RABGAP1L: variants seen among roughly 807,000 people sequenced by gnomAD.
The protein encoded by RABGAP1L is rab GTPase-activating protein 1-like.
A neutral mutation model predicts 137.7 loss-of-function variants in RABGAP1L; 63 were observed. The observed-to-expected ratio is 0.46, with a 90% confidence interval of 0.37 to 0.56. The LOEUF (loss-of-function observed/expected upper bound fraction) is 0.56, where lower values mean the gene tolerates loss of function less well. Among genes scored for constraint, RABGAP1L ranks in the 20% least tolerant of loss-of-function variants. The pLI is 0.00. For synonymous variants in RABGAP1L, 431 were observed against 433.7 expected (o/e 0.99, Z 0.08); for missense variants, 1,095 against 1,244.0 (o/e 0.88, Z 1.80).
At chr1:174,803,298 T>C (rs1413392164) in intron 18 of RABGAP1L, among the ~76,000 whole-genome samples, 1 of 152,228 alleles carries the variant, frequency 6.6e-6, no homozygotes, top group Non-Finnish European at 1.5e-5. Flanking sequence ...GTACACCCAG[T>C]TAAGGACAAT....
At chr1:174,279,434 T>C (rs1675300026) in intron 10 of RABGAP1L, among the ~76,000 whole-genome samples, 1 of 152,256 alleles carries the variant, frequency 6.6e-6, no homozygotes, top group East Asian at 1.9e-4. Flanking sequence ...ATGAACATCT[T>C]TTATATGCTG....
chr1:174,417,829 C>T (rs576043805), intron 13 of RABGAP1L, among the ~76,000 whole-genome samples: 2 of 152,046 alleles, frequency 1.3e-5, no homozygotes, highest in Non-Finnish European at 2.9e-5. Flanking sequence ...GCTGAGTTAC[C>T]CAGCCCAAGT....
intron 25 of RABGAP1L, 93 bp from the exon 26 acceptor site, chr1:174,989,756 A>G: frequency 7.2e-7 from 1 of 1,381,086 alleles, no homozygotes; most frequent in East Asian, 2.5e-5. Flanking sequence ...GGCAGCACAT[A>G]CCTTGAGACT....
At chr1:174,376,186 GTGAA>G (rs906175844) in intron 12 of RABGAP1L, among the ~76,000 whole-genome samples, 1 of 147,402 alleles carries the variant, frequency 6.8e-6, no homozygotes, top group African/African-American at 2.5e-5. Flanking sequence ...AGGAAAGAAA[GTGAA>G]GGAAAGAAAG....
intron 19 of RABGAP1L, among the ~76,000 whole-genome samples, chr1:174,845,231 T>C (rs1224784146): frequency 1.1e-5 from 1 of 93,200 alleles, no homozygotes; most frequent in East Asian, 9.0e-4. Context: ...TTCTCCTGCC[T>C]GATTGCCCTG....
At chr1:174,590,323 ATTG>A (rs1339687485) in intron 13 of RABGAP1L, among the ~76,000 whole-genome samples, 1 of 138,240 alleles carries the variant, frequency 7.2e-6, no homozygotes, top group Non-Finnish European at 1.6e-5. Context: ...TAGATGCTGT[ATTG>A]TTTTTTTTTC....
At chr1:174,480,240 A>T (rs909975341) in intron 13 of RABGAP1L, among the ~76,000 whole-genome samples, 3 of 152,222 alleles carry the variant, frequency 2.0e-5, no homozygotes, top group African/African-American at 7.2e-5. Context: ...GGTTATAGTT[A>T]TTAGATAATC....
chr1:174,675,270 G>A (rs1249317569), intron 14 of RABGAP1L, among the ~76,000 whole-genome samples: 2 of 151,222 alleles, frequency 1.3e-5, no homozygotes, highest in Non-Finnish European at 3.0e-5. Context: ...TTTGTATAAG[G>A]TGTAAGGAAG....
intron 13 of RABGAP1L, among the ~76,000 whole-genome samples, chr1:174,548,909 G>T (rs1483007283): frequency 6.6e-6 from 1 of 152,144 alleles, no homozygotes; most frequent in Non-Finnish European, 1.5e-5. Flanking sequence ...GTGATCTAAA[G>T]TTTTTAATGA....
chr1:174,322,974 A>AT (rs929089494), intron 11 of RABGAP1L, among the ~76,000 whole-genome samples: 29 of 152,104 alleles, frequency 1.9e-4, no homozygotes, highest in Non-Finnish European at 3.8e-4. Context: ...CAAAAATGCC[A>AT]TTTTTTTTAG....
At chr1:174,773,442 A>C (rs560482225) in intron 18 of RABGAP1L, among the ~76,000 whole-genome samples, 12 of 152,322 alleles carry the variant, frequency 7.9e-5, no homozygotes, top group African/African-American at 2.6e-4. Context: ...ATACAGCAGG[A>C]GACCCTTAAA....
intron 10 of RABGAP1L, among the ~76,000 whole-genome samples, chr1:174,292,329 C>CT (rs61636433): frequency 0.02 from 1,017 of 50,638 alleles, 40 homozygotes; most frequent in Admixed American, 0.065. Flanking sequence ...CCTACCTAAT[C>CT]TTTTTTTTTT....
intron 13 of RABGAP1L, among the ~76,000 whole-genome samples, chr1:174,420,679 T>G (rs944116463): frequency 1.3e-5 from 2 of 148,360 alleles, no homozygotes; most frequent in Admixed American, 6.7e-5. Flanking sequence ...GGTGTTTTGT[T>G]TTTTTTTTTT....
At chr1:174,833,010 T>C (rs1052042933) in intron 19 of RABGAP1L, among the ~76,000 whole-genome samples, 1 of 152,176 alleles carries the variant, frequency 6.6e-6, no homozygotes, top group Non-Finnish European at 1.5e-5. Context: ...AAGTCCCTAA[T>C]GAAGGCTACT....
At chr1:174,700,577 G>A (rs1679571766) in intron 16 of RABGAP1L, 2 of 154,146 alleles carry the variant, frequency 1.3e-5, no homozygotes, top group South Asian at 2.0e-4. Flanking sequence ...GGGCAGTAGA[G>A]GATGAATTTG....
At chr1:174,265,851 A>G (rs1372534959) in intron 7 of RABGAP1L, among the ~76,000 whole-genome samples, 1 of 152,012 alleles carries the variant, frequency 6.6e-6, no homozygotes, top group Non-Finnish European at 1.5e-5. Context: ...GCCTATCTGC[A>G]TGTTAAATTC....
intron 15 of RABGAP1L, among the ~76,000 whole-genome samples, chr1:174,689,944 A>G (rs1015670709): frequency 2.6e-5 from 4 of 152,170 alleles, no homozygotes; most frequent in African/African-American, 9.6e-5. Flanking sequence ...AGTGTATTTA[A>G]AAAGTAAGTC....
chr1:174,610,019 C>A (rs1172500970), intron 13 of RABGAP1L, among the ~76,000 whole-genome samples: 1 of 148,322 alleles, frequency 6.7e-6, no homozygotes, highest in Non-Finnish European at 1.5e-5. Flanking sequence ...TTAGAAAAGA[C>A]ATTTTGGTAT....
chr1:174,372,374 G>T (rs141294572), intron 12 of RABGAP1L, among the ~76,000 whole-genome samples: 43 of 152,204 alleles, frequency 2.8e-4, no homozygotes, highest in African/African-American at 9.6e-4. Flanking sequence ...CATAGTTACA[G>T]CAGTTTGGTT....
Sources: gnomAD v4.1 joint callset for allele counts (sites outside exome capture counted in the v4.1 genomes callset) on GRCh38, gnomAD v4.1.1 for gene constraint, MANE v1.5 for transcripts, NCBI Gene and HGNC (gene_info 2026-07-23, HGNC 2026-07-21) for gene names.